The following EFL1 variants were observed in gnomAD, a reference collection of about 807,000 sequenced individuals.
The protein encoded by EFL1 is elongation factor like GTPase 1.
A neutral mutation model predicts 126.7 loss-of-function variants in EFL1; 76 were observed. That is an observed-to-expected ratio of 0.60 (90% confidence interval 0.50 to 0.73). EFL1 has a LOEUF of 0.73. Among genes scored for constraint, EFL1 ranks in the 30% least tolerant of loss-of-function variants. The pLI, the probability that EFL1 is intolerant of heterozygous loss-of-function variation, is 0.00. For missense variants in EFL1, 1,128 were observed against 1,343.2 expected (o/e 0.84, Z 2.50); for synonymous variants, 410 against 448.4 (o/e 0.91, Z 1.08).
intron 2 of EFL1, 81 bp downstream of exon 2, chr15:82,261,607 T>C (rs2867648): frequency 7.5e-7 from 1 of 1,340,234 alleles, no homozygotes; most frequent in Non-Finnish European, 1.0e-6. Context: ...CTCTCAGCTG[T>C]CCACAGCTTC....
intron 14 of EFL1, among the ~76,000 whole-genome samples, chr15:82,218,772 G>A (rs1474896391): frequency 6.6e-6 from 1 of 152,158 alleles, no homozygotes; most frequent in East Asian, 1.9e-4. Context: ...TCACTGCCAC[G>A]CAGCTCTGCA....
chr15:82,193,859 C>A (rs2074383540), intron 15 of EFL1, among the ~76,000 whole-genome samples: 1 of 152,158 alleles, frequency 6.6e-6, no homozygotes, highest in South Asian at 2.1e-4. Flanking sequence ...ACATGCCGTG[C>A]AAACTATTGT....
chr15:82,171,402 A>G (rs970715861), intron 15 of EFL1, among the ~76,000 whole-genome samples: 8 of 152,246 alleles, frequency 5.3e-5, no homozygotes, highest in Admixed American at 3.3e-4. Context: ...AGAGCCCAGA[A>G]AAAGACCAAC....
At chr15:82,131,315 C>CA (rs1280075060) in intron 19 of EFL1, among the ~76,000 whole-genome samples, 1 of 152,020 alleles carries the variant, frequency 6.6e-6, no homozygotes, top group East Asian at 1.9e-4. Context: ...ATTTAAGAGA[C>CA]AGAGTTCTGC....
At chr15:82,186,649 C>A (rs149707949) in intron 15 of EFL1, among the ~76,000 whole-genome samples, 19 of 152,298 alleles carry the variant, frequency 1.2e-4, no homozygotes, top group Non-Finnish European at 2.2e-4. Flanking sequence ...AGTTTAACAA[C>A]TGGTTAACAA....
intron 11 of EFL1, among the ~76,000 whole-genome samples, chr15:82,226,042 C>A (rs1226728196): frequency 6.6e-6 from 1 of 152,154 alleles, no homozygotes; most frequent in African/African-American, 2.4e-5. Context: ...GAATGAGGAA[C>A]AGAATGACAT....
intron 18 of EFL1, among the ~76,000 whole-genome samples, chr15:82,146,679 G>T (rs1019927138): frequency 1.5e-4 from 22 of 151,566 alleles, no homozygotes; most frequent in Admixed American, 1.4e-3. Context: ...TGTGGTAGTT[G>T]GTTGGTCTCA....
chr15:82,138,407 T>TGAGA (rs71156027), intron 19 of EFL1, among the ~76,000 whole-genome samples: 98,869 of 147,506 alleles, frequency 0.67, 33,084 homozygotes, highest in Admixed American at 0.72. Context: ...AAAGGACAAA[T>TGAGA]GAGAGAGAGA....
At chr15:82,164,652 C>T (rs1199936724) in intron 15 of EFL1, among the ~76,000 whole-genome samples, 1 of 152,162 alleles carries the variant, frequency 6.6e-6, no homozygotes, top group Non-Finnish European at 1.5e-5. Flanking sequence ...AATCTCAGCA[C>T]TTTGGGAGGC....
chr15:82,155,023 G>T (rs1166788142), intron 17 of EFL1, among the ~76,000 whole-genome samples: 2 of 152,136 alleles, frequency 1.3e-5, no homozygotes, highest in South Asian at 2.1e-4. Context: ...AACACTTTTT[G>T]GGGGAAGTGA....
intron 17 of EFL1, among the ~76,000 whole-genome samples, chr15:82,156,546 G>A (rs2073969647): frequency 6.6e-6 from 1 of 152,196 alleles, no homozygotes; most frequent in Non-Finnish European, 1.5e-5. Flanking sequence ...GCCTCCCAAA[G>A]TGCTGGGATT....
chr15:82,209,185 C>T (rs957703375), intron 15 of EFL1, among the ~76,000 whole-genome samples: 17 of 152,086 alleles, frequency 1.1e-4, no homozygotes, highest in African/African-American at 9.7e-5. Flanking sequence ...AAAAGTATCA[C>T]AAAGTCTTAA....
chr15:82,176,780 T>C (rs998228810), intron 15 of EFL1, among the ~76,000 whole-genome samples: 1 of 152,182 alleles, frequency 6.6e-6, no homozygotes, highest in Non-Finnish European at 1.5e-5. Flanking sequence ...TAATTTCTCT[T>C]CCATCAGAAA....
At chr15:82,235,613 T>G (rs1157186440) in intron 7 of EFL1, among the ~76,000 whole-genome samples, 1 of 152,056 alleles carries the variant, frequency 6.6e-6, no homozygotes, top group Non-Finnish European at 1.5e-5. Flanking sequence ...AATATATTAA[T>G]TAATACAGAA....
chr15:82,176,135 T>C (rs974577208), intron 15 of EFL1, among the ~76,000 whole-genome samples: 9 of 152,142 alleles, frequency 5.9e-5, no homozygotes, highest in Admixed American at 2.6e-4. Flanking sequence ...AGATACCTGA[T>C]TGAAAAAAAT....
intron 15 of EFL1, among the ~76,000 whole-genome samples, chr15:82,172,296 G>A (rs531884779): frequency 1.3e-5 from 2 of 152,278 alleles, no homozygotes; most frequent in African/African-American, 2.4e-5. Flanking sequence ...ATTAGACTGC[G>A]CAACTCACCA....
intron 4 of EFL1, among the ~76,000 whole-genome samples, chr15:82,246,572 TAAGACAAGA>T (rs1439070291): frequency 7.9e-5 from 12 of 151,598 alleles, no homozygotes; most frequent in East Asian, 1.9e-4. Context: ...TGTATTTTTT[TAAGACAAGA>T]AAGACAAGAA....
At chr15:82,217,988 T>C (rs75279979) in intron 14 of EFL1, among the ~76,000 whole-genome samples, 2 of 152,170 alleles carry the variant, frequency 1.3e-5, no homozygotes, top group Admixed American at 1.3e-4. Context: ...CTGGGACTCT[T>C]AGTACTGCAG....
intron 18 of EFL1, among the ~76,000 whole-genome samples, chr15:82,141,005 CA>C (rs967211027): frequency 2.6e-5 from 4 of 152,182 alleles, no homozygotes; most frequent in Non-Finnish European, 5.9e-5. Context: ...TAGTTTTTAT[CA>C]CATGGGACAA....
Sources: allele counts gnomAD v4.1 joint callset (sites outside exome capture counted in the v4.1 genomes callset), GRCh38; gene constraint gnomAD v4.1.1; transcripts MANE v1.5; gene names NCBI Gene and HGNC (gene_info 2026-07-23, HGNC 2026-07-21).